The following TTC6 variants were observed in gnomAD, a reference collection of about 807,000 sequenced individuals.
The protein encoded by TTC6 is tetratricopeptide repeat protein 6.
A neutral mutation model predicts 210.4 loss-of-function variants in TTC6; 172 were observed. That is an observed-to-expected ratio of 0.82 (90% CI 0.72 to 0.93). TTC6 has a LOEUF of 0.93. TTC6 is among the 40% of genes least tolerant of loss of function. The probability of loss-of-function intolerance (pLI) is 0.00; values close to 1 mark genes in which losing one functional copy is unlikely to be tolerated. For synonymous variants in TTC6, 804 were observed against 819.6 expected (o/e 0.98, Z 0.32); for missense variants, 2,414 against 2,318.1 (o/e 1.04, Z -0.85).
At chr14:37,661,841 C>T (rs1279671395) in intron 1 of TTC6, among the ~76,000 whole-genome samples, 1 of 152,074 alleles carries the variant, frequency 6.6e-6, no homozygotes, top group Non-Finnish European at 1.5e-5. Context: ...CTCTGGTTTC[C>T]TTAAGCAGTG....
At chr14:37,675,000 G>A (rs1179866730) in intron 1 of TTC6, among the ~76,000 whole-genome samples, 2 of 151,868 alleles carry the variant, frequency 1.3e-5, no homozygotes, top group African/African-American at 4.8e-5. Context: ...TAAGGAGCAG[G>A]GAAATGACAT....
In TTC6 at chr14:37,749,667, T is replaced by A. The variant is rs17768594; in HGVS notation, c.2827-47T>A. ...TAAAAATTTATTTGATAGGATATCC[T>A]CCTTTAACAAATCAACTTTAACTGA... On this transcript the variant is annotated intron_variant, in intron 11 of 30. Transcript: ENST00000553443. 5 of 1,247,410 alleles carry A rather than the reference T, an allele frequency of 4.0e-6. No homozygotes were observed. In the Admixed American group the frequency reaches 1.1e-4, roughly 28 times the overall value. 77.3% of individuals were successfully genotyped at this position (1,247,410 alleles called of 1,614,324 possible).
intron 5 of TTC6, among the ~76,000 whole-genome samples, chr14:37,713,831 T>C (rs2095848359): frequency 6.6e-6 from 1 of 152,184 alleles, no homozygotes. Context: ...GGTTTTTGTA[T>C]GCTTAGTTTT....
chr14:37,703,007 A>C (rs1007487428), intron 5 of TTC6, among the ~76,000 whole-genome samples: 1 of 152,144 alleles, frequency 6.6e-6, no homozygotes, highest in Non-Finnish European at 1.5e-5. Flanking sequence ...TATATGAAGA[A>C]TTTTTGAAAT....
chr14:37,774,677 G>A (rs1414200008), intron 14 of TTC6, among the ~76,000 whole-genome samples: 2 of 152,232 alleles, frequency 1.3e-5, no homozygotes, highest in East Asian at 3.9e-4. Context: ...TGTTCATCAA[G>A]GGTGTTGGCC....
intron 14 of TTC6, among the ~76,000 whole-genome samples, chr14:37,771,804 C>T (rs979362536): frequency 5.3e-5 from 8 of 152,290 alleles, no homozygotes; most frequent in East Asian, 1.9e-4. Context: ...TCTCTCAGCT[C>T]GTGAAAGTCA....
intron 2 of TTC6, 44 bp downstream of exon 4, chr14:37,680,305 C>CAGGA: frequency 1.6e-6 from 2 of 1,220,170 alleles, no homozygotes; most frequent in Non-Finnish European, 1.1e-6. Context: ...GTTAAAGTAA[C>CAGGA]AGCATGCTTC....
intron 1 of TTC6, among the ~76,000 whole-genome samples, chr14:37,624,917 G>T (rs562559629): frequency 6.6e-6 from 1 of 151,984 alleles, no homozygotes; most frequent in Non-Finnish European, 1.5e-5. Flanking sequence ...CACTGCGCCC[G>T]GCCCCACTTG....
At chr14:37,790,720 T>C in exon 16 of TTC6, 1 of 1,533,122 alleles carries the variant, frequency 6.5e-7, no homozygotes, top group Non-Finnish European at 8.7e-7. Context: ...TTTTAAGCAC[T>C]CATAAATGAT....
At chr14:37,833,534 G>A (rs1322658959) in intron 29 of TTC6, among the ~76,000 whole-genome samples, 1 of 152,094 alleles carries the variant, frequency 6.6e-6, no homozygotes, top group Non-Finnish European at 1.5e-5. Flanking sequence ...ATATAGTTGG[G>A]TCTTGTTTTA....
intron 1 of TTC6, among the ~76,000 whole-genome samples, chr14:37,655,993 T>A (rs528404159): frequency 6.6e-6 from 1 of 152,294 alleles, no homozygotes; most frequent in Non-Finnish European, 1.5e-5. Context: ...ACTGTAAGTG[T>A]TCAATAATAG....
chr14:37,787,538 A>G (rs948131262), exon 15 of TTC6: 13 of 1,531,850 alleles, frequency 8.5e-6, no homozygotes, highest in African/African-American at 6.8e-5. Flanking sequence ...TTCTGCTGCA[A>G]TTCACTTAGA....
chr14:37,695,742 TG>T (rs1273792997), intron 3 of TTC6, among the ~76,000 whole-genome samples: 4 of 152,146 alleles, frequency 2.6e-5, no homozygotes, highest in African/African-American at 9.7e-5. Flanking sequence ...CTCAAGGGAA[TG>T]GATACTCCAT....
At chr14:37,755,742 T>G (rs2095965646) in intron 14 of TTC6, among the ~76,000 whole-genome samples, 1 of 152,192 alleles carries the variant, frequency 6.6e-6, no homozygotes, top group Non-Finnish European at 1.5e-5. Context: ...ACCATGCTGT[T>G]TTGGTTACTG....
chr14:37,600,945 A>T lies in TTC6; in HGVS notation c.-235+4937A>T, dbSNP rs369244509. Among the ~76,000 whole-genome samples the T allele has an allele frequency of 9.2e-5, 14 of 152,332 alleles. 1 individual carries two copies. In the South Asian group the frequency reaches 2.9e-3, roughly 32 times the overall value. On this transcript the variant is annotated intron_variant, in intron 1 of 2. Transcript: ENST00000556845. Reference sequence around the variant, plus strand: ...ACAGAGCAAAACTACTGCTTAGCTTACCTTGCAGTGAGTTTGCTTCTAAAC... The same window carrying T: ...ACAGAGCAAAACTACTGCTTAGCTTTCCTTGCAGTGAGTTTGCTTCTAAAC...
At chr14:37,771,623 C>G (rs928957828) in intron 14 of TTC6, among the ~76,000 whole-genome samples, 3 of 152,144 alleles carry the variant, frequency 2.0e-5, no homozygotes, top group Admixed American at 2.0e-4. Flanking sequence ...GCATTCTTCA[C>G]GTAGTTCTCG....
intron 1 of TTC6, among the ~76,000 whole-genome samples, chr14:37,666,346 G>A (rs2095747998): frequency 6.7e-6 from 1 of 149,186 alleles, no homozygotes; most frequent in South Asian, 2.2e-4. Context: ...AGGCTCAGTG[G>A]CTTACACTGT....
intron 14 of TTC6, among the ~76,000 whole-genome samples, chr14:37,786,600 T>A (rs1213605446): frequency 6.6e-6 from 1 of 152,188 alleles, no homozygotes; most frequent in Admixed American, 6.5e-5. Flanking sequence ...TGGCCCTGCT[T>A]TGGCTCACTG....
At chr14:37,731,127 G>A (rs1595165860) in intron 7 of TTC6, among the ~76,000 whole-genome samples, 1 of 152,148 alleles carries the variant, frequency 6.6e-6, no homozygotes, top group Non-Finnish European at 1.5e-5. Flanking sequence ...GAAGTAGAAG[G>A]CGAGGGTCCT....
Sources: allele counts gnomAD v4.1 joint callset (sites outside exome capture counted in the v4.1 genomes callset), GRCh38; gene constraint gnomAD v4.1.1; transcripts MANE v1.5; gene names NCBI Gene and HGNC (gene_info 2026-07-23, HGNC 2026-07-21).